The following ATP10B variants were observed in gnomAD, a reference collection of about 807,000 sequenced individuals.
The protein encoded by ATP10B is phospholipid-transporting ATPase VB.
A neutral mutation model predicts 141.2 loss-of-function variants in ATP10B; 122 were observed. That is an observed-to-expected ratio of 0.86 (90% CI 0.75 to 1.00). The LOEUF is 1.00. ATP10B is among the 50% of genes least tolerant of loss of function. The pLI, the probability that ATP10B is intolerant of heterozygous loss-of-function variation, is 0.00. For missense variants in ATP10B, 1,876 were observed against 1,825.3 expected, an observed-to-expected ratio of 1.03 and a Z score of -0.51; for synonymous variants, 685 against 692.0, an observed-to-expected ratio of 0.99 and a Z score of 0.16.
chr5:160,853,680 G>T (rs545529982), upstream of ATP10B, among the ~76,000 whole-genome samples: 1 of 152,120 alleles, frequency 6.6e-6, no homozygotes, highest in Non-Finnish European at 1.5e-5. Context: ...TTTCCAAACT[G>T]CCTGGAAATC....
chr5:160,613,217 G>A (rs974884527), intron 17 of ATP10B, among the ~76,000 whole-genome samples: 7 of 152,212 alleles, frequency 4.6e-5, no homozygotes, highest in Non-Finnish European at 1.0e-4. Context: ...CTTATGCTGA[G>A]GAAGTGCTAC....
At chr5:160,818,721 T>C (rs1773875681) in intron 1 of ATP10B, among the ~76,000 whole-genome samples, 1 of 152,198 alleles carries the variant, frequency 6.6e-6, no homozygotes, top group South Asian at 2.1e-4. Flanking sequence ...GTGGCACTAT[T>C]CACAATAGCA....
At chr5:160,774,084 T>C (rs1241091362) in intron 2 of ATP10B, among the ~76,000 whole-genome samples, 1 of 152,174 alleles carries the variant, frequency 6.6e-6, no homozygotes, top group Non-Finnish European at 1.5e-5. Flanking sequence ...CAGCAGTTTT[T>C]CCTAAGGGCT....
rs551404905 is a variant in ATP10B, at chr5:160,694,585, T to C, written c.-204-5642A>G. 1.2e-4 allele frequency among the ~76,000 whole-genome samples: 18 copies of C among 152,302 alleles called. 1 individual carries two copies. The South Asian group carries it at 3.7e-3, about 32-fold the overall frequency. On this transcript the variant is annotated intron_variant, in intron 3 of 25. Coordinates refer to ENST00000327245, the MANE Select transcript of ATP10B (RefSeq NM_025153.3). ...AATTCTGTTTCTCTCTCCCAAACTTTCTCCACGTTACCTGGCTCACATTTC... is the reference window on the plus strand; with the variant it reads ...AATTCTGTTTCTCTCTCCCAAACTTCCTCCACGTTACCTGGCTCACATTTC...
the ATP10B span, among the ~76,000 whole-genome samples, chr5:160,922,330 G>C: frequency 6.6e-6 from 1 of 152,118 alleles, no homozygotes; most frequent in African/African-American, 2.4e-5. Context: ...ATGTAGAGGT[G>C]AATATCTTAT....
chr5:160,633,485 T>C (rs1037717987), intron 12 of ATP10B: 2 of 152,070 alleles, frequency 1.3e-5, no homozygotes, highest in Admixed American at 6.5e-5. Flanking sequence ...TTCTCACTCA[T>C]AAGTGGGAAT....
chr5:160,718,604 G>A (rs575416797), intron 2 of ATP10B, among the ~76,000 whole-genome samples: 3 of 152,116 alleles, frequency 2.0e-5, no homozygotes, highest in Non-Finnish European at 4.4e-5. Context: ...GAAGACATAG[G>A]GAAAGGGTAC....
intron 8 of ATP10B, among the ~76,000 whole-genome samples, chr5:160,645,999 C>T (rs1301397307): frequency 6.6e-6 from 1 of 152,184 alleles, no homozygotes; most frequent in East Asian, 1.9e-4. Context: ...TGATTCCTCA[C>T]TGTGTTTATA....
At chr5:160,774,567 C>CA (rs1173520658) in intron 2 of ATP10B, among the ~76,000 whole-genome samples, 1 of 152,176 alleles carries the variant, frequency 6.6e-6, no homozygotes, top group African/African-American at 2.4e-5. Flanking sequence ...AACTGTGCCC[C>CA]ACTTCCTTGG....
rs188317282 is a variant in ATP10B at position 160,778,963 on chromosome 5, G to A, written c.-331+6596C>T. ...CAAAAATGGGATAATAGTAGTAGGC[G>A]TCTTAAGAGTGACCGTGGTAAAGAG... On this transcript the variant is annotated intron_variant, in intron 2 of 25. Coordinates refer to ENST00000327245, the MANE Select transcript of ATP10B (RefSeq NM_025153.3). 1.4e-4 allele frequency among the ~76,000 whole-genome samples: 22 copies of A among 152,224 alleles called. No individual in the cohort carries two copies. The East Asian group carries it at 2.1e-3, about 15-fold the overall frequency.
chr5:160,658,377 T>C (rs987021623), intron 7 of ATP10B, among the ~76,000 whole-genome samples: 6 of 152,156 alleles, frequency 3.9e-5, no homozygotes, highest in African/African-American at 1.2e-4. Context: ...CTAGGGACTA[T>C]AGGAGAGAGA....
chr5:160,753,559 T>C (rs1048427841), intron 2 of ATP10B, among the ~76,000 whole-genome samples: 4 of 152,178 alleles, frequency 2.6e-5, no homozygotes, highest in African/African-American at 7.2e-5. Context: ...CTGAAGAATA[T>C]TGGGGTTCCT....
At chr5:160,797,212 C>G (rs953299175) in intron 1 of ATP10B, among the ~76,000 whole-genome samples, 5 of 152,158 alleles carry the variant, frequency 3.3e-5, no homozygotes, top group Non-Finnish European at 7.3e-5. Context: ...GGCTCAGATA[C>G]CCACTGCACG....
At chr5:160,706,449 G>A (rs913444258) in intron 3 of ATP10B, among the ~76,000 whole-genome samples, 2 of 152,276 alleles carry the variant, frequency 1.3e-5, no homozygotes, top group Admixed American at 6.5e-5. Flanking sequence ...GAGACGTTAA[G>A]TGGCTTAAGG....
In ATP10B at chr5:160,801,815, G is replaced by A. The variant is rs147936767; in HGVS notation, c.-575-16012C>T. On this transcript the variant is annotated intron_variant, in intron 1 of 25. Coordinates refer to ENST00000327245, the MANE Select transcript of ATP10B (RefSeq NM_025153.3). Reference sequence around the variant, plus strand: ...ATTCCAAGTTCAGGCTTTGAGCTTAGTTAAAAGAGGTTTACGTGATCCTTC... The same window carrying A: ...ATTCCAAGTTCAGGCTTTGAGCTTAATTAAAAGAGGTTTACGTGATCCTTC... Among the ~76,000 whole-genome samples, 147 of 152,288 alleles carry A rather than the reference G, an allele frequency of 9.7e-4. No individual in the cohort carries two copies. In the South Asian group the frequency reaches 0.02, roughly 20 times the overall value.
rs532074742 is a variant in ATP10B at position 160,565,373 on chromosome 5, A to G, written c.*80T>C. On this transcript the variant is annotated 3_prime_UTR_variant, in exon 26 of 26. Transcript: ENST00000327245. Reference sequence around the variant, plus strand: ...ATAAGACTGGCACATTGTTTCCTCTATGAAGAAGAAGGGGTCAAGGGTTAT... The same window carrying G: ...ATAAGACTGGCACATTGTTTCCTCTGTGAAGAAGAAGGGGTCAAGGGTTAT... 2.2e-6 allele frequency: 3 copies of G among 1,366,856 alleles called. No individual in the cohort carries two copies. Among genetic ancestry groups the G allele is most frequent in the South Asian group, 1.3e-5 (1 of 75,936 alleles). The allele number at this position is 1,366,856 out of a possible 1,614,324, so 84.7% of individuals were successfully genotyped here.
At chr5:160,592,098 T>C (rs1207642758) in intron 22 of ATP10B, among the ~76,000 whole-genome samples, 1 of 152,208 alleles carries the variant, frequency 6.6e-6, no homozygotes, top group Non-Finnish European at 1.5e-5. Context: ...AGGGCTGCAG[T>C]GTGGCCTCTC....
intron 2 of ATP10B, among the ~76,000 whole-genome samples, chr5:160,753,240 A>C (rs1310197312): frequency 6.6e-6 from 1 of 152,204 alleles, no homozygotes; most frequent in Non-Finnish European, 1.5e-5. Flanking sequence ...TCTAAGATAC[A>C]TACATACCAT....
intron 2 of ATP10B, among the ~76,000 whole-genome samples, chr5:160,728,652 T>C (rs1766529133): frequency 6.6e-6 from 1 of 152,198 alleles, no homozygotes; most frequent in Non-Finnish European, 1.5e-5. Flanking sequence ...ATAACAGCTT[T>C]CAGTGAGTTC....
Sources: gnomAD v4.1 joint callset for allele counts (sites outside exome capture counted in the v4.1 genomes callset) on GRCh38, gnomAD v4.1.1 for gene constraint, MANE v1.5 for transcripts, NCBI Gene and HGNC (gene_info 2026-07-23, HGNC 2026-07-21) for gene names.